Variants in FHIT observed in about 807,000 individuals in gnomAD.
FHIT encodes fragile histidine triad diadenosine triphosphatase, also known as bis(5'-adenosyl)-triphosphatase.
In FHIT, 19 loss-of-function variants were observed where a neutral mutation model predicts 17.9. That is an observed-to-expected ratio of 1.06 (90% CI 0.74 to 1.56). The LOEUF is 1.56. Among genes scored for constraint, FHIT ranks in the 40% most tolerant of loss-of-function variants. FHIT has a pLI of 0.00. For synonymous variants in FHIT, 81 were observed against 69.7 expected, an observed-to-expected ratio of 1.16 and a Z score of -0.81; for missense variants, 248 against 189.2, an observed-to-expected ratio of 1.31 and a Z score of -1.82.
intron 5 of FHIT, among the ~76,000 whole-genome samples, chr3:60,241,655 G>C (rs1178498642): frequency 6.6e-6 from 1 of 152,050 alleles, no homozygotes; most frequent in East Asian, 1.9e-4. Flanking sequence ...TCAGGGAATT[G>C]CCTGGAGAGA....
At chr3:60,199,914 A>G (rs1349977363) in intron 5 of FHIT, among the ~76,000 whole-genome samples, 2 of 152,102 alleles carry the variant, frequency 1.3e-5, no homozygotes, top group African/African-American at 2.4e-5. Context: ...CCAGTATACA[A>G]TATAACTCCA....
intron 8 of FHIT, 69 bp downstream of exon 8, chr3:59,922,277 C>A: frequency 7.9e-7 from 1 of 1,258,108 alleles, no homozygotes; most frequent in South Asian, 1.2e-5. Flanking sequence ...ATACTTGATT[C>A]ATTAGGTTGA....
intron 1 of FHIT, among the ~76,000 whole-genome samples, chr3:61,231,693 T>A (rs61215023): frequency 0.019 from 2,877 of 152,210 alleles, 87 homozygotes; most frequent in African/African-American, 0.065. Context: ...GGTACTAGAG[T>A]CTGGTGGCCA....
chr3:60,053,788 C>A (rs1396004062), intron 5 of FHIT, among the ~76,000 whole-genome samples: 2 of 152,028 alleles, frequency 1.3e-5, no homozygotes, highest in Middle Eastern at 3.4e-3. Context: ...CATCACTTTA[C>A]CACCTTCAAA....
At chr3:60,624,830 T>C (rs2039236613) in intron 4 of FHIT, among the ~76,000 whole-genome samples, 1 of 152,196 alleles carries the variant, frequency 6.6e-6, no homozygotes, top group Admixed American at 6.5e-5. Flanking sequence ...CAAGATGATA[T>C]TGAATTGACA....
chr3:60,050,317 T>C (rs1208096407), intron 5 of FHIT, among the ~76,000 whole-genome samples: 1 of 152,180 alleles, frequency 6.6e-6, no homozygotes, highest in African/African-American at 2.4e-5. Context: ...AATTTTACCT[T>C]TATTATTTCA....
intron 4 of FHIT, among the ~76,000 whole-genome samples, chr3:60,700,593 C>T (rs186585614): frequency 4.3e-4 from 65 of 152,028 alleles, no homozygotes; most frequent in Admixed American, 1.2e-3. Flanking sequence ...TATACATTTT[C>T]ACATCAGAGA....
chr3:59,788,100 G>C (rs1699390727), intron 8 of FHIT, among the ~76,000 whole-genome samples: 1 of 152,138 alleles, frequency 6.6e-6, no homozygotes, highest in Admixed American at 6.6e-5. Flanking sequence ...TGGTAGCAAA[G>C]GACACAATGT....
At chr3:60,989,942 T>C (rs2030035799) in intron 3 of FHIT, among the ~76,000 whole-genome samples, 1 of 152,190 alleles carries the variant, frequency 6.6e-6, no homozygotes, top group Admixed American at 6.5e-5. Context: ...CGCAATTTGA[T>C]GTGGGGTAAT....
At chr3:59,856,318 A>G (rs1192165533) in intron 8 of FHIT, among the ~76,000 whole-genome samples, 1 of 152,228 alleles carries the variant, frequency 6.6e-6, no homozygotes, top group Admixed American at 6.5e-5. Context: ...GGTAATTGTT[A>G]AAATTTTTTT....
At chr3:61,013,319 C>G (rs1335108851) in intron 3 of FHIT, among the ~76,000 whole-genome samples, 4 of 152,194 alleles carry the variant, frequency 2.6e-5, no homozygotes, top group Admixed American at 2.6e-4. Flanking sequence ...TAGCTAAGGT[C>G]TCCAGATCAC....
At chr3:59,760,608 G>A (rs1180153965) in intron 8 of FHIT, among the ~76,000 whole-genome samples, 1 of 151,784 alleles carries the variant, frequency 6.6e-6, no homozygotes, top group Non-Finnish European at 1.5e-5. Flanking sequence ...AAAGTTCACA[G>A]TTTTCCATTG....
intron 1 of FHIT, among the ~76,000 whole-genome samples, chr3:61,202,739 T>C (rs1001104899): frequency 2.2e-4 from 34 of 152,104 alleles, no homozygotes; most frequent in Admixed American, 1.3e-4. Context: ...CAAAAGAACA[T>C]GTCATTAGCA....
chr3:61,073,033 C>A (rs766997948), intron 2 of FHIT, among the ~76,000 whole-genome samples: 44 of 151,998 alleles, frequency 2.9e-4, no homozygotes, highest in Admixed American at 5.2e-4. Flanking sequence ...CAAAGTTTTC[C>A]AAGGAAAGAC....
At chr3:60,818,593 TTAATA>T (rs1701815674) in intron 4 of FHIT, among the ~76,000 whole-genome samples, 1 of 152,224 alleles carries the variant, frequency 6.6e-6, no homozygotes. Context: ...CTACTTCTTC[TTAATA>T]TAATGATTTA....
intron 2 of FHIT, among the ~76,000 whole-genome samples, chr3:61,080,779 G>T (rs1299938234): frequency 1.3e-5 from 2 of 151,990 alleles, no homozygotes; most frequent in Non-Finnish European, 2.9e-5. Flanking sequence ...GAAAGAGATG[G>T]ATTAGTGGGG....
At chr3:60,125,037 A>G (rs1466628721) in intron 5 of FHIT, among the ~76,000 whole-genome samples, 1 of 152,190 alleles carries the variant, frequency 6.6e-6, no homozygotes, top group Non-Finnish European at 1.5e-5. Flanking sequence ...AGCTGAAACA[A>G]TCTACAATAT....
intron 8 of FHIT, among the ~76,000 whole-genome samples, chr3:59,761,333 G>A (rs542749344): frequency 1.1e-4 from 16 of 152,210 alleles, no homozygotes; most frequent in Admixed American, 3.9e-4. Context: ...ATCCATCTTC[G>A]TATCCTCTCG....
intron 8 of FHIT, among the ~76,000 whole-genome samples, chr3:59,874,738 C>T (rs1450743137): frequency 6.6e-6 from 1 of 151,882 alleles, no homozygotes; most frequent in Non-Finnish European, 1.5e-5. Flanking sequence ...GTGCTGGGCA[C>T]CATGCTAGGC....
Sources: gnomAD v4.1 joint callset for allele counts (sites outside exome capture counted in the v4.1 genomes callset) on GRCh38, gnomAD v4.1.1 for gene constraint, MANE v1.5 for transcripts, NCBI Gene and HGNC (gene_info 2026-07-23, HGNC 2026-07-21) for gene names.